The following GSDME variants were observed in gnomAD, a reference collection of about 807,000 sequenced individuals.
The protein encoded by GSDME is gasdermin E, also known as gasdermin-E.
Under a neutral mutation model 47.5 loss-of-function variants are expected in GSDME, and 44 were observed. The observed-to-expected ratio is 0.93, with a 90% confidence interval of 0.73 to 1.19. The LOEUF is 1.19. Among genes scored for constraint, GSDME ranks in the 50% most tolerant of loss-of-function variants. GSDME has a pLI of 0.00. For synonymous variants in GSDME, 258 were observed against 252.8 expected, an observed-to-expected ratio of 1.02 and a Z score of -0.20; for missense variants, 663 against 604.2, an observed-to-expected ratio of 1.10 and a Z score of -1.02.
intron 5 of GSDME, 39 bp downstream of exon 5, chr7:24,717,215 G>C: frequency 4.3e-6 from 7 of 1,612,810 alleles, no homozygotes; most frequent in Non-Finnish European, 5.9e-6. Flanking sequence ...GGGATCCTCT[G>C]CTGGGGATCC....
intron 6 of GSDME, among the ~76,000 whole-genome samples, chr7:24,708,918 GT>G (rs1204031349): frequency 1.3e-5 from 2 of 152,074 alleles, no homozygotes; most frequent in African/African-American, 4.8e-5. Flanking sequence ...TTGTTTGTTT[GT>G]TTGTTTTTAA....
chr7:24,762,332 C>A (rs1358621081), upstream of GSDME, among the ~76,000 whole-genome samples: 1 of 151,338 alleles, frequency 6.6e-6, no homozygotes, highest in Admixed American at 6.6e-5. Flanking sequence ...GTCCATTGTT[C>A]ATGGAGAAAC....
chr7:24,700,049 G>A (rs888663211), intron 9 of GSDME, among the ~76,000 whole-genome samples: 1 of 152,068 alleles, frequency 6.6e-6, no homozygotes, highest in African/African-American at 2.4e-5. Flanking sequence ...GCCACATTGA[G>A]GGCCTTTCCC....
intron 3 of GSDME, among the ~76,000 whole-genome samples, chr7:24,727,010 C>T (rs1789991659): frequency 6.6e-6 from 1 of 152,184 alleles, no homozygotes; most frequent in Non-Finnish European, 1.5e-5. Flanking sequence ...TCTTTATTTT[C>T]ACCTTGATTA....
chr7:24,789,556 T>C, the GSDME span, among the ~76,000 whole-genome samples: 1 of 152,230 alleles, frequency 6.6e-6, no homozygotes, highest in Non-Finnish European at 1.5e-5. Flanking sequence ...ACAATGCTTT[T>C]CCATACAATG....
At chr7:24,766,714 T>C in the GSDME span, among the ~76,000 whole-genome samples, 1 of 152,212 alleles carries the variant, frequency 6.6e-6, no homozygotes, top group Non-Finnish European at 1.5e-5. This position sits in a 1 kb window ranked among gnomAD's most constrained non-coding sequence, Gnocchi z 4.2. Flanking sequence ...TGATGGGCAT[T>C]TGGGTTGGTT....
rs543083332 is a variant in GSDME, at chr7:24,707,971, T to C, written c.990+156A>G. The C allele has an allele frequency of 1.5e-5, 13 of 862,638 alleles. No homozygotes were observed. In the East Asian group the frequency reaches 3.4e-4, roughly 23 times the overall value. 53.4% of individuals were successfully genotyped at this position (862,638 alleles called of 1,614,324 possible). On this transcript the variant is annotated intron_variant, in intron 7 of 9. Transcript: ENST00000645220. ...CCCTCCACCCGATGCCAGCTACCTG[T>C]CTGCACTTAGAAAACGCAGGACCCA...
the GSDME span, among the ~76,000 whole-genome samples, chr7:24,790,121 ACAGCAATTAGTAACCCCTCCCC>A: frequency 1.3e-5 from 2 of 152,202 alleles, no homozygotes; most frequent in Non-Finnish European, 2.9e-5. The surrounding 1 kb of genome is among the most constrained non-coding windows in gnomAD (Gnocchi z 4.1). Context: ...CTATATGTAG[ACAGCAATTAGTAACCCCTCCCC>A]CAGCTGCTAG....
At chr7:24,755,844 A>G (rs1377218183) in intron 1 of GSDME, among the ~76,000 whole-genome samples, 4 of 152,214 alleles carry the variant, frequency 2.6e-5, no homozygotes, top group African/African-American at 7.2e-5. Flanking sequence ...AATCATTGCT[A>G]TGGAACATGT....
intron 6 of GSDME, 40 bp downstream of exon 6, chr7:24,710,184 G>T (rs1199960302): frequency 6.2e-7 from 1 of 1,605,760 alleles, no homozygotes; most frequent in South Asian, 1.1e-5. Flanking sequence ...GGGCTCAGTT[G>T]GCCCTCAACT....
At chr7:24,711,143 G>C (rs1789336788) in intron 5 of GSDME, among the ~76,000 whole-genome samples, 2 of 152,186 alleles carry the variant, frequency 1.3e-5, no homozygotes, top group South Asian at 2.1e-4. Context: ...GAAGCTGGAT[G>C]GTGGGCACAT....
chr7:24,764,168 C>T, the GSDME span, among the ~76,000 whole-genome samples: 284 of 152,284 alleles, frequency 1.9e-3, 1 homozygote, highest in Middle Eastern at 3.4e-3. This position sits in a 1 kb window ranked among gnomAD's most constrained non-coding sequence, Gnocchi z 4.4. Flanking sequence ...CTTAAAAAGA[C>T]TAATTGCAAT....
chr7:24,751,004 A>G (rs1012088156), intron 1 of GSDME, among the ~76,000 whole-genome samples: 6 of 152,244 alleles, frequency 3.9e-5, no homozygotes, highest in Non-Finnish European at 8.8e-5. Context: ...TTGAGGAAAA[A>G]TGAAACTGTG....
chr7:24,717,304 G>A lies in GSDME; in HGVS notation c.647C>T (p.Thr216Ile). Residue 216 changes from threonine (T) to isoleucine (I), a missense_variant, in exon 5 of 10, where the codon ACC becomes ATC. Thr to Ile is a moderately conservative substitution (Grantham distance 89, BLOSUM62 -1). Transcript: ENST00000645220. ...TAACTCAATGACACCGTAGGCAATGGTGGTGGCAGCTGGGATCTCCAGCAC... is the reference window on the plus strand; with the variant it reads ...TAACTCAATGACACCGTAGGCAATGATGGTGGCAGCTGGGATCTCCAGCAC... The part of the protein sequence containing the change: ...NVVLEIPAAT[T>I]IAYGVIELYV... The A allele has an allele frequency of 6.2e-7, 1 of 1,611,348 alleles. No homozygotes were observed. Among genetic ancestry groups the A allele is most frequent in the Admixed American group, 1.7e-5 (1 of 59,614 alleles).
At chr7:24,776,281 A>G in the GSDME span, among the ~76,000 whole-genome samples, 5 of 152,070 alleles carry the variant, frequency 3.3e-5, no homozygotes, top group Non-Finnish European at 7.3e-5. Flanking sequence ...CGGTACTTCT[A>G]AGAAAAGAGA....
the GSDME span, among the ~76,000 whole-genome samples, chr7:24,766,873 T>C: frequency 2.6e-4 from 40 of 152,214 alleles, no homozygotes; most frequent in Non-Finnish European, 5.4e-4. This position sits in a 1 kb window ranked among gnomAD's most constrained non-coding sequence, Gnocchi z 4.2. Context: ...CTTGAGGAAT[T>C]GCCACACTGT....
Position 24,749,706 on chromosome 7 carries a change from T to G in GSDME, c.69A>C (p.Ser23=). The G allele has an allele frequency of 6.2e-7, 1 of 1,614,188 alleles. No individual in the cohort carries two copies. Among genetic ancestry groups the G allele is most frequent in the Non-Finnish European group, 8.5e-7 (1 of 1,180,028 alleles). The part of the protein sequence containing the change: ...VDADGDLIAV[S]NLNDSDKLQL... ...GTAACTTATCAGAGTCATTCAGATT[T>G]GATACTGCAATCAGGTCACCATCAG... The change falls in exon 2 of 10, where the codon TCA becomes TCC. Residue 23 remains serine, a synonymous_variant. Transcript: ENST00000645220.
At chr7:24,722,620 G>C (rs1254674522) in intron 3 of GSDME, among the ~76,000 whole-genome samples, 4 of 152,120 alleles carry the variant, frequency 2.6e-5, no homozygotes, top group African/African-American at 7.2e-5. Context: ...TGACTCTGCT[G>C]GATTGGAAAT....
intron 9 of GSDME, 116 bp downstream of exon 9, chr7:24,702,644 T>G (rs1788916826): frequency 4.9e-6 from 4 of 821,276 alleles, no homozygotes. Flanking sequence ...ACTTAATGTG[T>G]CTTGAAGAGC....
Sources: gnomAD v4.1 joint callset for allele counts (sites outside exome capture counted in the v4.1 genomes callset) on GRCh38, gnomAD v4.1.1 for gene constraint, Gnocchi (gnomAD v3.1) non-coding constraint, MANE v1.5 for transcripts, NCBI Gene and HGNC (gene_info 2026-07-23, HGNC 2026-07-21) for gene names.